Variants in CFAP210 observed in about 807,000 individuals in gnomAD.
CFAP210 encodes the protein cilia and flagella associated protein 210, also known as cilia- and flagella- associated protein 210.
the CFAP210 span, among the ~76,000 whole-genome samples, chr2:169,649,808 G>C: frequency 6.6e-6 from 1 of 152,008 alleles, no homozygotes. Flanking sequence ...GCGCATGCCT[G>C]TAATCTCAGC....
chr2:169,683,558 A>C, the CFAP210 span, among the ~76,000 whole-genome samples: 2 of 152,210 alleles, frequency 1.3e-5, no homozygotes, highest in African/African-American at 4.8e-5. Flanking sequence ...TGTCTGACCC[A>C]AGAGTCATTC....
chr2:169,676,693 T>C, the CFAP210 span, among the ~76,000 whole-genome samples: 1 of 152,188 alleles, frequency 6.6e-6, no homozygotes, highest in East Asian at 1.9e-4. Context: ...TAATAAATTA[T>C]GACCATTGTT....
chr2:169,661,072 G>C, the CFAP210 span: 1 of 536,984 alleles, frequency 1.9e-6, no homozygotes, highest in Non-Finnish European at 3.8e-6. Flanking sequence ...CTGGGTGGGA[G>C]AATATGGCGT....
chr2:169,676,731 A>G, the CFAP210 span, among the ~76,000 whole-genome samples: 1 of 152,170 alleles, frequency 6.6e-6, no homozygotes, highest in Non-Finnish European at 1.5e-5. Flanking sequence ...TAAGTTTTCT[A>G]TGTCCTTTCC....
chr2:169,662,019 T>C, the CFAP210 span, among the ~76,000 whole-genome samples: 5 of 152,212 alleles, frequency 3.3e-5, no homozygotes, highest in East Asian at 9.6e-4. Context: ...TTTGATAGCC[T>C]AGTGGGGGGA....
At chr2:169,649,361 G>T in the CFAP210 span, 1 of 1,602,180 alleles carries the variant, frequency 6.2e-7, no homozygotes. Flanking sequence ...ATGTTTAAAG[G>T]CAAAGGAAAC....
At chr2:169,694,169 C>G in the CFAP210 span, 1 of 1,243,654 alleles carries the variant, frequency 8.0e-7, no homozygotes, top group Non-Finnish European at 1.2e-6. Flanking sequence ...TTTCAAAAGG[C>G]AACTGAAGCC....
chr2:169,681,083 C>A, the CFAP210 span: 4 of 1,613,868 alleles, frequency 2.5e-6, no homozygotes, highest in Non-Finnish European at 3.4e-6. Flanking sequence ...TCTTTCTGCA[C>A]GGAGGCATGC....
chr2:169,649,217 G>A, the CFAP210 span: 1 of 1,613,060 alleles, frequency 6.2e-7, no homozygotes, highest in Non-Finnish European at 8.5e-7. Context: ...ACCTCTTGAT[G>A]TTCTTTATCA....
the CFAP210 span, chr2:169,650,653 A>G: frequency 2.6e-6 from 3 of 1,136,046 alleles, no homozygotes; most frequent in Admixed American, 3.9e-5. Flanking sequence ...TGCTCCTTAC[A>G]TATATTATTT....
the CFAP210 span, among the ~76,000 whole-genome samples, chr2:169,673,515 C>A: frequency 6.6e-6 from 1 of 152,104 alleles, no homozygotes; most frequent in Non-Finnish European, 1.5e-5. Flanking sequence ...TTGAAAAATA[C>A]ACAATTTGGT....
At chr2:169,670,824 G>A in the CFAP210 span, among the ~76,000 whole-genome samples, 1 of 152,132 alleles carries the variant, frequency 6.6e-6, no homozygotes, top group Admixed American at 6.5e-5. Context: ...CATTATTTCT[G>A]ACACATTCTA....
At chr2:169,676,476 T>C in the CFAP210 span, among the ~76,000 whole-genome samples, 4 of 151,876 alleles carry the variant, frequency 2.6e-5, no homozygotes, top group Non-Finnish European at 5.9e-5. Flanking sequence ...TAGTGTAGAG[T>C]TTACAAATGC....
chr2:169,672,033 T>A, the CFAP210 span, among the ~76,000 whole-genome samples: 1 of 152,236 alleles, frequency 6.6e-6, no homozygotes, highest in South Asian at 2.1e-4. Flanking sequence ...TACTATTCCA[T>A]TTCTATTGGT....
chr2:169,652,387 T>C, the CFAP210 span, among the ~76,000 whole-genome samples: 1 of 152,228 alleles, frequency 6.6e-6, no homozygotes, highest in Non-Finnish European at 1.5e-5. Context: ...TTTTATTGAT[T>C]GCTTACTATG....
the CFAP210 span, among the ~76,000 whole-genome samples, chr2:169,680,581 G>A: frequency 4.6e-5 from 7 of 152,302 alleles, no homozygotes; most frequent in South Asian, 8.3e-4. Context: ...AATGGAATAC[G>A]ATTCAGCAAT....
chr2:169,688,633 T>C, the CFAP210 span, among the ~76,000 whole-genome samples: 15 of 152,196 alleles, frequency 9.9e-5, no homozygotes, highest in Admixed American at 9.2e-4. Context: ...TGCTAAAACA[T>C]AGCAAGAATC....
At chr2:169,693,267 G>A in the CFAP210 span, among the ~76,000 whole-genome samples, 3 of 152,322 alleles carry the variant, frequency 2.0e-5, no homozygotes, top group Admixed American at 2.0e-4. Flanking sequence ...TTTTGAGCTA[G>A]TTGCCACAAA....
At chr2:169,674,050 T>C in the CFAP210 span, among the ~76,000 whole-genome samples, 1 of 152,192 alleles carries the variant, frequency 6.6e-6, no homozygotes, top group African/African-American at 2.4e-5. Context: ...GGGTTGGCCA[T>C]GTGGTTGCTT....
Sources: gnomAD v4.1 joint callset for allele counts (sites outside exome capture counted in the v4.1 genomes callset) on GRCh38, gnomAD v4.1.1 for gene constraint, MANE v1.5 for transcripts, NCBI Gene and HGNC (gene_info 2026-07-23, HGNC 2026-07-21) for gene names.